The following NRL variants were observed in gnomAD, a reference collection of about 807,000 sequenced individuals.
NRL encodes neural retina-specific leucine zipper protein.
Under a neutral mutation model 12.5 loss-of-function variants are expected in NRL, and 16 were observed. The ratio of observed to expected loss-of-function variants is 1.28; its 90% confidence interval spans 0.87 to 1.95. The LOEUF is 1.95. Among genes scored for constraint, NRL ranks in the 30% most tolerant of loss-of-function variants. The pLI is 0.00. For synonymous variants in NRL, 142 were observed against 150.9 expected, an observed-to-expected ratio of 0.94 and a Z score of 0.43; for missense variants, 314 against 325.8, an observed-to-expected ratio of 0.96 and a Z score of 0.28.
intron 1 of NRL, chr14:24,098,643 G>A (rs746676529): frequency 2.5e-6 from 4 of 1,613,992 alleles, no homozygotes; most frequent in Non-Finnish European, 3.4e-6. Context: ...TTTGTCAAGT[G>A]TCTGCACTCC....
intron 2 of NRL, among the ~76,000 whole-genome samples, chr14:24,082,234 A>C (rs951955039): frequency 6.6e-6 from 1 of 151,980 alleles, no homozygotes; most frequent in African/African-American, 2.4e-5. Context: ...TGCTAATCTT[A>C]TCTTCTCCCT....
In NRL at chr14:24,096,462, C is replaced by G. The variant is rs149573999; in HGVS notation, c.-27-13587G>C. 3.9e-5 allele frequency among the ~76,000 whole-genome samples: 6 copies of G among 152,178 alleles called. No individual in the cohort carries two copies. The East Asian group carries it at 7.7e-4, about 20-fold the overall frequency. ...ATGTTGCCCAGTATGGTCTTGATCT[C>G]CTGACCTCATGATCCACCTGCCTCA... On this transcript the variant is annotated intron_variant, in intron 1 of 2. Transcript: ENST00000561028.
At chr14:24,104,755 T>C (rs900633998) in intron 1 of NRL, among the ~76,000 whole-genome samples, 1 of 152,078 alleles carries the variant, frequency 6.6e-6, no homozygotes, top group African/African-American at 2.4e-5. Context: ...TGCAGAAGCC[T>C]CTACAACTCC....
chr14:24,100,553 CA>C, intron 1 of NRL: 1 of 1,057,018 alleles, frequency 9.5e-7, no homozygotes, highest in Non-Finnish European at 1.2e-6. Context: ...AGTAAATTCT[CA>C]ATAATAAATA....
chr14:24,099,184 G>T (rs761133921), intron 1 of NRL: 18 of 1,607,226 alleles, frequency 1.1e-5, no homozygotes, highest in Non-Finnish European at 1.4e-5. Flanking sequence ...TTTGCCCTAC[G>T]CATCGCCTCT....
intron 1 of NRL, among the ~76,000 whole-genome samples, chr14:24,083,675 G>A (rs1284185411): frequency 6.6e-6 from 1 of 152,152 alleles, no homozygotes; most frequent in Non-Finnish European, 1.5e-5. Flanking sequence ...GTTAGACTTT[G>A]TAACATATAC....
chr14:24,098,960 G>A, intron 1 of NRL: 1 of 1,022,868 alleles, frequency 9.8e-7, no homozygotes, highest in South Asian at 1.5e-5. Flanking sequence ...GCTCCCAAGT[G>A]TCTCTCCTGC....
chr14:24,091,747 A>G (rs1181047448), intron 1 of NRL, among the ~76,000 whole-genome samples: 1 of 152,060 alleles, frequency 6.6e-6, no homozygotes, highest in Non-Finnish European at 1.5e-5. Flanking sequence ...TTTTATTTGT[A>G]TGTACTTGTG....
intron 1 of NRL, 51 bp from the exon 2 acceptor site, chr14:24,082,926 C>T: frequency 6.6e-7 from 1 of 1,519,704 alleles, no homozygotes; most frequent in South Asian, 1.3e-5. Flanking sequence ...CTGCCATCCC[C>T]TCTTCACCAA....
intron 1 of NRL, among the ~76,000 whole-genome samples, chr14:24,092,971 T>G (rs1194316585): frequency 2.6e-5 from 4 of 152,206 alleles, no homozygotes; most frequent in Admixed American, 1.3e-4. Context: ...GCTCAGCAAC[T>G]CAGCAGAAAG....
intron 1 of NRL, chr14:24,096,907 G>T (rs1450826383): frequency 6.2e-7 from 1 of 1,613,160 alleles, no homozygotes; most frequent in Non-Finnish European, 8.5e-7. Flanking sequence ...ACTGGCATGG[G>T]CTGAGCCCCT....
In NRL at chr14:24,094,914, G is replaced by A. The variant is rs55646187; in HGVS notation, c.-27-12039C>T. On this transcript the variant is annotated intron_variant, in intron 1 of 2. Transcript: ENST00000561028. The surrounding 1 kb of genome is among the most constrained non-coding windows in gnomAD (Gnocchi z 4.1). ...GGTGGAAGGTTAAATATCCATTCCC[G>A]GCCTCTCCCGGACTGGAAGGACTGG... The A allele has an allele frequency of 0.075, 86,862 of 1,164,688 alleles. 3,517 individuals are homozygous for A. The highest frequency in any genetic ancestry group is 0.12 in the African/African-American group (7,338 of 63,314). The allele number at this position is 1,164,688 out of a possible 1,614,324, so 72.1% of individuals were successfully genotyped here. A position where few individuals can be genotyped will look rare whatever the true frequency, so the allele number is the denominator to read the frequency against.
intron 1 of NRL, chr14:24,098,232 T>G (rs2036984245): frequency 6.2e-7 from 1 of 1,613,138 alleles, no homozygotes; most frequent in East Asian, 2.2e-5. Context: ...CCCAAGGATG[T>G]GGCACGAGTA....
At chr14:24,098,735 A>T (rs2037017359) in intron 1 of NRL, 9 of 1,442,438 alleles carry the variant, frequency 6.2e-6, no homozygotes, top group Non-Finnish European at 8.7e-6. Flanking sequence ...CTCAGAGGAA[A>T]TCCCAAATCC....
intron 1 of NRL, chr14:24,100,334 C>T (rs751051333): frequency 1.0e-5 from 15 of 1,497,404 alleles, no homozygotes; most frequent in South Asian, 5.5e-5. Context: ...AAGTCATGAA[C>T]GTTTGCAGTT....
At chr14:24,082,055 T>C (rs2036327677) in intron 2 of NRL, 7 of 1,202,716 alleles carry the variant, frequency 5.8e-6, no homozygotes, top group African/African-American at 3.1e-5. Flanking sequence ...CAATCCTTCC[T>C]GAGAAGGTTG....
intron 1 of NRL, among the ~76,000 whole-genome samples, chr14:24,090,822 G>A (rs1238954923): frequency 6.6e-6 from 1 of 152,248 alleles, no homozygotes; most frequent in Non-Finnish European, 1.5e-5. Flanking sequence ...ATCTGCACGT[G>A]AGCCCCTTGC....
chr14:24,096,237 T>C (rs1361678875), intron 1 of NRL, among the ~76,000 whole-genome samples: 1 of 129,394 alleles, frequency 7.7e-6, no homozygotes, highest in African/African-American at 3.0e-5. Flanking sequence ...TCTTTTTTTT[T>C]TTTTTTTTTT....
At position 24,094,503 on chromosome 14, in the gene NRL, G is replaced by T; in HGVS notation, c.-27-11628C>A. ...GCTCGCCCCCTCGGGGCTGCCAGTG[G>T]CGCTCTCCTGCTCTCAGCCTCCGCC... On this transcript the variant is annotated intron_variant, in intron 1 of 2. Coordinates refer to ENST00000561028, the MANE Select transcript of NRL (RefSeq NM_001354768.3). The surrounding 1 kb of genome is among the most constrained non-coding windows in gnomAD (Gnocchi z 4.1). 6.8e-7 allele frequency: 1 copy of T among 1,469,176 alleles called. No homozygotes were observed. The highest frequency in any genetic ancestry group is 1.4e-5 in the African/African-American group (1 of 69,584). The allele number at this position is 1,469,176 out of a possible 1,614,324, so 91.0% of individuals were successfully genotyped here.
Sources: allele counts gnomAD v4.1 joint callset (sites outside exome capture counted in the v4.1 genomes callset), GRCh38; gene constraint gnomAD v4.1.1; non-coding constraint Gnocchi (gnomAD v3.1); transcripts MANE v1.5; gene names NCBI Gene and HGNC (gene_info 2026-07-23, HGNC 2026-07-21).